The following SHCBP1 variants were observed in gnomAD, a reference collection of about 807,000 sequenced individuals.
The protein encoded by SHCBP1 is SHC SH2 domain-binding protein 1.
Under a neutral mutation model 75.1 loss-of-function variants are expected in SHCBP1, and 60 were observed. The ratio of observed to expected loss-of-function variants is 0.80; its 90% CI spans 0.65 to 0.99. The LOEUF (loss-of-function observed/expected upper bound fraction) is 0.99, where lower values mean the gene tolerates loss of function less well. Among genes scored for constraint, SHCBP1 ranks in the 50% least tolerant of loss-of-function variants. SHCBP1 has a pLI of 0.00. For synonymous variants in SHCBP1, 290 were observed against 293.2 expected, an observed-to-expected ratio of 0.99 and a Z score of 0.11; for missense variants, 709 against 809.4, an observed-to-expected ratio of 0.88 and a Z score of 1.50.
At chr16:46,588,821 A>G (rs1405465338) in intron 10 of SHCBP1, among the ~76,000 whole-genome samples, 1 of 152,226 alleles carries the variant, frequency 6.6e-6, no homozygotes, top group East Asian at 1.9e-4. Context: ...AACTCATTTT[A>G]TGAGGCCAGC....
Position 46,581,817 on chromosome 16 carries a change from T to A in SHCBP1, c.1931A>T (p.Asn644Ile), listed in dbSNP as rs1372390801. The A allele has an allele frequency of 4.3e-6, 7 of 1,614,214 alleles. No individual in the cohort carries two copies. In the East Asian group the frequency reaches 1.6e-4, roughly 36 times the overall value. ...SELGITQADD[N>I]LMSQEMFVGI... ...AACAAACATCTCCTGTGACATTAAG[T>A]TGTCATCAGCTTGCGTGATCCCCAG... is the stretch of plus-strand genomic sequence containing the variant. Residue 644 changes from asparagine to isoleucine, a missense_variant, in exon 13 of 13, where the codon AAC (asparagine) becomes ATC (isoleucine). Physicochemically the swap from Asn to Ile is moderately radical, Grantham distance 149 (BLOSUM62 -3). Coordinates refer to ENST00000303383, the MANE Select transcript of SHCBP1 (RefSeq NM_024745.5).
rs1407418277 is a variant in SHCBP1, at chr16:46,603,485, G to GTTTA, written c.1213+50_1213+53dup. Reference sequence around the variant, plus strand: ...GTTTCAACAAGATTGGTGATTTATTGTTTACTTAAACATATCACGTGTGAG... The same window carrying GTTTA: ...GTTTCAACAAGATTGGTGATTTATTGTTTATTTACTTAAACATATCACGTGTGAG... On this transcript the variant is annotated intron_variant, in intron 8 of 12. Transcript: ENST00000303383. 31 of 1,603,948 alleles carry GTTTA rather than the reference G, an allele frequency of 1.9e-5. No homozygotes were observed. In the Admixed American group the frequency reaches 3.9e-4, roughly 20 times the overall value.
chr16:46,619,663 T>TC (rs1965555255), intron 1 of SHCBP1, among the ~76,000 whole-genome samples: 1 of 152,246 alleles, frequency 6.6e-6, no homozygotes, highest in South Asian at 2.1e-4. Context: ...TTCAGCACCA[T>TC]TCTTTTTTTT....
At chr16:46,586,784 GAC>G (rs1339964956) in intron 10 of SHCBP1, among the ~76,000 whole-genome samples, 1 of 152,032 alleles carries the variant, frequency 6.6e-6, no homozygotes, top group African/African-American at 2.4e-5. Flanking sequence ...TCAGATGAAA[GAC>G]ACACAGTATT....
intron 5 of SHCBP1, 139 bp from the exon 6 acceptor site, chr16:46,604,600 A>G (rs1382869564): frequency 1.6e-6 from 1 of 609,014 alleles, no homozygotes; most frequent in Non-Finnish European, 3.0e-6. Flanking sequence ...CTTTCTGAAT[A>G]GCACTGTAAT....
chr16:46,601,355 C>T (rs780971099), intron 8 of SHCBP1, among the ~76,000 whole-genome samples: 2 of 152,144 alleles, frequency 1.3e-5, no homozygotes, highest in African/African-American at 2.4e-5. Flanking sequence ...AAATCTTACT[C>T]AAACCATTAA....
chr16:46,579,360 G>C lies in SHCBP1; in HGVS notation c.*2369C>G, dbSNP rs574676068. ...AATGTACTGCATATAACTTAAATAAGAACAAAGTAGGCCTACTCATTATAA... is the reference window on the plus strand; with the variant it reads ...AATGTACTGCATATAACTTAAATAACAACAAAGTAGGCCTACTCATTATAA... On this transcript the variant is annotated 3_prime_UTR_variant, in exon 13 of 13. Coordinates refer to ENST00000303383, the MANE Select transcript of SHCBP1 (RefSeq NM_024745.5). Among the ~76,000 whole-genome samples, 9 of 152,052 alleles carry C rather than the reference G, an allele frequency of 5.9e-5. No individual in the cohort carries two copies. The East Asian group carries it at 1.5e-3, about 26-fold the overall frequency.
At chr16:46,608,490 T>G (rs1230534766) in intron 4 of SHCBP1, 101 bp from the exon 5 acceptor site, 1 of 724,850 alleles carries the variant, frequency 1.4e-6, no homozygotes, top group Non-Finnish European at 2.4e-6. Context: ...AATTCTCATA[T>G]CTTAGAGAAT....
At chr16:46,595,332 T>C (rs1027335958) in intron 10 of SHCBP1, among the ~76,000 whole-genome samples, 4 of 152,138 alleles carry the variant, frequency 2.6e-5, no homozygotes, top group Admixed American at 6.5e-5. Context: ...TCTAAACCTC[T>C]CTTAAAGCTA....
chr16:46,584,210 T>C (rs981468751), intron 10 of SHCBP1, 121 bp from the exon 11 acceptor site: 5 of 597,154 alleles, frequency 8.4e-6, no homozygotes, highest in Non-Finnish European at 1.4e-5. Flanking sequence ...GATAAAGTAC[T>C]TTACAGATAA....
At position 46,599,926 on chromosome 16, in the gene SHCBP1, C is replaced by A; in HGVS notation, c.1250G>T (p.Arg417Met). Residue 417 changes from arginine to methionine, a missense_variant, in exon 9 of 13, where the codon AGG (arginine) becomes ATG (methionine). Coordinates refer to ENST00000303383, the MANE Select transcript of SHCBP1 (RefSeq NM_024745.5). ...GLPDDIVIEK[R>M]GKGDTFVDCT... ...GTCCACAAAAGTGTCGCCTTTGCCCCTCTTTTCTATCACAATGTCATCTGG... is the reference window on the plus strand; with the variant it reads ...GTCCACAAAAGTGTCGCCTTTGCCCATCTTTTCTATCACAATGTCATCTGG... The A allele has an allele frequency of 1.2e-6, 2 of 1,613,446 alleles. No individual in the cohort carries two copies. The highest frequency in any genetic ancestry group is 1.7e-6 in the Non-Finnish European group (2 of 1,179,808).
At chr16:46,605,910 A>G (rs1965319129) in intron 5 of SHCBP1, among the ~76,000 whole-genome samples, 1 of 151,958 alleles carries the variant, frequency 6.6e-6, no homozygotes, top group African/African-American at 2.4e-5. Context: ...AAGCTTGAAA[A>G]GCAAGGATTT....
chr16:46,618,165 A>C, intron 2 of SHCBP1, 40 bp downstream of exon 2: 1 of 1,557,486 alleles, frequency 6.4e-7, no homozygotes, highest in Non-Finnish European at 8.7e-7. Context: ...AACAAGAGCG[A>C]AACTCCATCT....
chr16:46,610,544 A>AATTTTTTTTTTTT (rs573584107), intron 4 of SHCBP1, among the ~76,000 whole-genome samples: 1 of 31,088 alleles, frequency 3.2e-5, no homozygotes, highest in Non-Finnish European at 5.7e-5. Context: ...CATGGGGTCA[A>AATTTTTTTTTTTT]TTTTTTTTTT....
intron 8 of SHCBP1, among the ~76,000 whole-genome samples, chr16:46,602,432 G>A (rs1021928984): frequency 1.6e-3 from 241 of 152,248 alleles, no homozygotes; most frequent in African/African-American, 5.4e-3. Context: ...AGCAGTTTCT[G>A]AACAGCTGCA....
chr16:46,618,667 G>A (rs1965540920), intron 1 of SHCBP1, among the ~76,000 whole-genome samples: 2 of 152,076 alleles, frequency 1.3e-5, no homozygotes, highest in East Asian at 3.9e-4. Flanking sequence ...TTTTAGAAAC[G>A]GTCTCACTCT....
At chr16:46,602,663 C>T (rs1965259415) in intron 8 of SHCBP1, among the ~76,000 whole-genome samples, 1 of 152,168 alleles carries the variant, frequency 6.6e-6, no homozygotes, top group Non-Finnish European at 1.5e-5. Context: ...CAGAGTCTTG[C>T]TCTGTCACCC....
intron 9 of SHCBP1, 80 bp downstream of exon 9, chr16:46,599,751 T>C: frequency 2.4e-6 from 3 of 1,235,586 alleles, no homozygotes; most frequent in Non-Finnish European, 2.1e-6. Context: ...TGGCATTTCA[T>C]TAAATTCTAT....
At chr16:46,608,150 C>T in intron 5 of SHCBP1, 147 bp downstream of exon 5, 1 of 593,362 alleles carries the variant, frequency 1.7e-6, no homozygotes, top group East Asian at 2.9e-5. Flanking sequence ...TTATTTCTGT[C>T]TATGAGATCC....
Sources: gnomAD v4.1 joint callset for allele counts (sites outside exome capture counted in the v4.1 genomes callset) on GRCh38, gnomAD v4.1.1 for gene constraint, MANE v1.5 for transcripts, NCBI Gene and HGNC (gene_info 2026-07-23, HGNC 2026-07-21) for gene names.